Variants in RGS7 observed in about 807,000 individuals in gnomAD.
The protein encoded by RGS7 is regulator of G-protein signaling 7.
A neutral mutation model predicts 81.1 loss-of-function variants in RGS7; 27 were observed. That is an observed-to-expected ratio of 0.33 (90% CI 0.25 to 0.46). The LOEUF is 0.46. Among genes scored for constraint, RGS7 ranks in the 20% least tolerant of loss-of-function variants. The probability of loss-of-function intolerance (pLI) is 1.00; values close to 1 mark genes in which losing one functional copy is unlikely to be tolerated. For missense variants in RGS7, 396 were observed against 607.4 expected, an observed-to-expected ratio of 0.65 and a Z score of 3.66; for synonymous variants, 208 against 207.7, an observed-to-expected ratio of 1.00 and a Z score of -0.01.
chr1:240,884,569 A>G (rs544866592), intron 6 of RGS7, among the ~76,000 whole-genome samples: 5 of 152,238 alleles, frequency 3.3e-5, no homozygotes, highest in Admixed American at 6.5e-5. Context: ...ACATAGAGCA[A>G]TGGAACAGAA....
intron 2 of RGS7, among the ~76,000 whole-genome samples, chr1:241,318,959 T>C (rs773517306): frequency 6.6e-6 from 1 of 152,130 alleles, no homozygotes; most frequent in Non-Finnish European, 1.5e-5. Context: ...AAAAAGATGA[T>C]CAAACGAAGG....
intron 3 of RGS7, among the ~76,000 whole-genome samples, chr1:241,043,607 T>C (rs2060746354): frequency 6.8e-6 from 1 of 147,430 alleles, no homozygotes; most frequent in Admixed American, 6.8e-5. Context: ...ATTATAATAT[T>C]ATATAGTTAT....
intron 3 of RGS7, among the ~76,000 whole-genome samples, chr1:241,004,881 G>A (rs749644507): frequency 6.6e-5 from 10 of 152,128 alleles, no homozygotes; most frequent in South Asian, 2.1e-4. Context: ...TCCATGACCC[G>A]CCTCGGGCCA....
intron 2 of RGS7, among the ~76,000 whole-genome samples, chr1:241,179,859 A>G (rs1282028889): frequency 1.1e-5 from 1 of 93,818 alleles, no homozygotes; most frequent in Non-Finnish European, 2.7e-5. Flanking sequence ...TCATACACAC[A>G]TGAGGCACTT....
chr1:241,206,098 C>T (rs1318717257), intron 2 of RGS7, among the ~76,000 whole-genome samples: 2 of 152,054 alleles, frequency 1.3e-5, no homozygotes, highest in Admixed American at 6.6e-5. Context: ...TTCTAGGCAT[C>T]CCCATTATAA....
intron 3 of RGS7, among the ~76,000 whole-genome samples, chr1:241,039,210 G>T (rs1345169354): frequency 6.6e-6 from 1 of 152,144 alleles, no homozygotes; most frequent in Non-Finnish European, 1.5e-5. Context: ...AATGCTGTCT[G>T]CCTCCCATTC....
intron 3 of RGS7, among the ~76,000 whole-genome samples, chr1:241,094,460 GAGA>G (rs1269229983): frequency 6.6e-6 from 1 of 152,114 alleles, no homozygotes; most frequent in Admixed American, 6.5e-5. Flanking sequence ...GGCACTTCTG[GAGA>G]AGAAGGTAAT....
At chr1:240,852,111 T>A (rs2995377) in intron 9 of RGS7, among the ~76,000 whole-genome samples, 122,256 of 152,114 alleles carry the variant, frequency 0.8, 49,562 homozygotes, top group African/African-American at 0.9. Flanking sequence ...AGAAATCTTT[T>A]GCAAAAAAAA....
At chr1:240,972,464 C>CA (rs1362436410) in intron 4 of RGS7, among the ~76,000 whole-genome samples, 1 of 136,082 alleles carries the variant, frequency 7.3e-6, no homozygotes, top group Non-Finnish European at 1.5e-5. Context: ...CCAAACACCG[C>CA]ATATTCTCAC....
chr1:241,036,957 G>GA lies in RGS7; in HGVS notation c.176-53829dup, dbSNP rs141361969. 6.7e-3 allele frequency among the ~76,000 whole-genome samples: 1,014 copies of GA among 152,306 alleles called. 15 individuals carry two copies. Among genetic ancestry groups the GA allele is most frequent in the African/African-American group, 0.023 (972 of 41,558 alleles). On this transcript the variant is annotated intron_variant, in intron 3 of 18. Coordinates refer to ENST00000440928, the MANE Select transcript of RGS7 (RefSeq NM_001364886.1). Reference sequence around the variant, plus strand: ...CTTAAGTTGAAAGGACCCACAAGATGAAAAAAGCTTGAGCCCCTGAGTCAC... The same window carrying GA: ...CTTAAGTTGAAAGGACCCACAAGATGAAAAAAAGCTTGAGCCCCTGAGTCAC...
At chr1:241,221,694 A>G (rs2075025754) in intron 2 of RGS7, among the ~76,000 whole-genome samples, 1 of 152,218 alleles carries the variant, frequency 6.6e-6, no homozygotes, top group African/African-American at 2.4e-5. Flanking sequence ...TCATCCAATC[A>G]GTTAAAGGCC....
intron 2 of RGS7, among the ~76,000 whole-genome samples, chr1:241,250,796 G>T (rs1318014150): frequency 7.9e-5 from 12 of 152,208 alleles, no homozygotes; most frequent in Non-Finnish European, 1.8e-4. Context: ...TATAAACCAA[G>T]AAATATTGGT....
At chr1:240,788,008 A>G (rs994534255) in intron 18 of RGS7, among the ~76,000 whole-genome samples, 1 of 152,168 alleles carries the variant, frequency 6.6e-6, no homozygotes, top group East Asian at 1.9e-4. Flanking sequence ...TACGAGGCCT[A>G]TTGATGAACT....
chr1:241,158,250 G>T (rs2069344199), intron 2 of RGS7, among the ~76,000 whole-genome samples: 1 of 152,142 alleles, frequency 6.6e-6, no homozygotes, highest in Non-Finnish European at 1.5e-5. Flanking sequence ...TTTACTATCT[G>T]GCCCTTTGCA....
intron 2 of RGS7, among the ~76,000 whole-genome samples, chr1:241,300,213 C>T (rs904497953): frequency 2.0e-5 from 3 of 152,006 alleles, no homozygotes; most frequent in African/African-American, 7.3e-5. Flanking sequence ...CCCAACCTAC[C>T]CCACTATCAA....
At chr1:241,227,746 T>TAACACAGCAA (rs60545154) in intron 2 of RGS7, among the ~76,000 whole-genome samples, 1 of 151,630 alleles carries the variant, frequency 6.6e-6, no homozygotes, top group East Asian at 2.0e-4. Flanking sequence ...AGACCTTGTG[T>TAACACAGCAA]CACCTCCAGA....
At chr1:241,220,999 G>GAAAGAAAGAA (rs1558203373) in intron 2 of RGS7, among the ~76,000 whole-genome samples, 1 of 64,742 alleles carries the variant, frequency 1.5e-5, no homozygotes, top group Non-Finnish European at 3.0e-5. Flanking sequence ...GGAAGGAAGA[G>GAAAGAAAGAA]AGAGAGAAAG....
chr1:240,842,797 G>C (rs1359566358), intron 9 of RGS7, among the ~76,000 whole-genome samples: 1 of 148,486 alleles, frequency 6.7e-6, no homozygotes, highest in East Asian at 2.0e-4. Context: ...TTCTTTTTTG[G>C]AGTTCCATTT....
intron 6 of RGS7, chr1:240,920,561 C>G (rs1294779450): frequency 1.2e-6 from 1 of 852,172 alleles, no homozygotes; most frequent in African/African-American, 1.7e-5. Flanking sequence ...ACTAAGGTGG[C>G]TATGGTGGTT....
Sources: allele counts gnomAD v4.1 joint callset (sites outside exome capture counted in the v4.1 genomes callset), GRCh38; gene constraint gnomAD v4.1.1; transcripts MANE v1.5; gene names NCBI Gene and HGNC (gene_info 2026-07-23, HGNC 2026-07-21).